Variants in CADM2 observed in about 807,000 individuals in gnomAD.
CADM2 encodes the protein immunoglobulin superfamily member 4D.
In CADM2, 12 loss-of-function variants were observed where a neutral mutation model predicts 49.8. The ratio of observed to expected loss-of-function variants is 0.24; its 90% confidence interval spans 0.15 to 0.39. The LOEUF (loss-of-function observed/expected upper bound fraction) is 0.39, where lower values mean the gene tolerates loss of function less well. Among genes scored for constraint, CADM2 ranks in the 10% least tolerant of loss-of-function variants. CADM2 has a pLI of 1.00. For missense variants in CADM2, 378 were observed against 492.3 expected (o/e 0.77, Z 2.20); for synonymous variants, 214 against 175.4 (o/e 1.22, Z -1.74).
At chr3:85,918,296 T>C (rs1472257747) in intron 6 of CADM2, among the ~76,000 whole-genome samples, 1 of 152,192 alleles carries the variant, frequency 6.6e-6, no homozygotes, top group Non-Finnish European at 1.5e-5. Flanking sequence ...GGGTTTGTCA[T>C]AGATAGCTCT....
At chr3:85,145,630 C>A (rs936624525) in intron 1 of CADM2, among the ~76,000 whole-genome samples, 3 of 151,818 alleles carry the variant, frequency 2.0e-5, no homozygotes, top group African/African-American at 7.3e-5. Context: ...TGTCTATCAC[C>A]CTTAGTTTGG....
At chr3:85,426,889 G>A (rs2036431678) in intron 1 of CADM2, among the ~76,000 whole-genome samples, 1 of 151,676 alleles carries the variant, frequency 6.6e-6, no homozygotes, top group African/African-American at 2.4e-5. Flanking sequence ...TTATATATAT[G>A]TATATATTTG....
chr3:85,543,067 A>C (rs2061580829), intron 1 of CADM2, among the ~76,000 whole-genome samples: 1 of 152,120 alleles, frequency 6.6e-6, no homozygotes, highest in South Asian at 2.1e-4. Flanking sequence ...GAACTTGTAC[A>C]CATTTTTCTC....
intron 1 of CADM2, among the ~76,000 whole-genome samples, chr3:85,206,646 T>C (rs1034335162): frequency 6.6e-6 from 1 of 152,134 alleles, no homozygotes; most frequent in Admixed American, 6.5e-5. Context: ...AGTAACTTTT[T>C]TCAGACTGTC....
chr3:85,303,347 G>T, intron 1 of CADM2, among the ~76,000 whole-genome samples: 1 of 151,974 alleles, frequency 6.6e-6, no homozygotes, highest in East Asian at 1.9e-4. Context: ...TGTTAAGACT[G>T]TTAATGAAGC....
chr3:85,086,116 A>G (rs1326566568), intron 1 of CADM2, among the ~76,000 whole-genome samples: 1 of 152,186 alleles, frequency 6.6e-6, no homozygotes, highest in African/African-American at 2.4e-5. Context: ...TAAAGTAAGA[A>G]AAATACCAAC....
chr3:85,153,583 C>T (rs1245650742), intron 1 of CADM2, among the ~76,000 whole-genome samples: 1 of 152,160 alleles, frequency 6.6e-6, no homozygotes, highest in Non-Finnish European at 1.5e-5. Flanking sequence ...GGGTGGAGCC[C>T]ACCACAGCTC....
chr3:85,837,971 A>T (rs2108254226), intron 3 of CADM2, among the ~76,000 whole-genome samples: 1 of 151,932 alleles, frequency 6.6e-6, no homozygotes, highest in East Asian at 1.9e-4. Flanking sequence ...GCACACCAAT[A>T]TGAATTCACT....
At chr3:85,899,255 C>T (rs757649668) in intron 5 of CADM2, among the ~76,000 whole-genome samples, 4 of 151,768 alleles carry the variant, frequency 2.6e-5, no homozygotes, top group Non-Finnish European at 5.9e-5. Context: ...TGTGAGCCAC[C>T]GCACTCAGCA....
At chr3:85,973,936 A>T (rs1321738259) in intron 8 of CADM2, among the ~76,000 whole-genome samples, 3 of 151,774 alleles carry the variant, frequency 2.0e-5, no homozygotes, top group African/African-American at 7.2e-5. Flanking sequence ...GGTAGGAATC[A>T]GGCTGAGATG....
At chr3:85,207,807 A>C (rs1576120284) in intron 1 of CADM2, among the ~76,000 whole-genome samples, 1 of 152,152 alleles carries the variant, frequency 6.6e-6, no homozygotes, top group African/African-American at 2.4e-5. Flanking sequence ...CTGTTTTTAT[A>C]AGGTCAGCTT....
At chr3:85,224,161 T>C (rs1015232200) in intron 1 of CADM2, among the ~76,000 whole-genome samples, 4 of 152,146 alleles carry the variant, frequency 2.6e-5, no homozygotes, top group Non-Finnish European at 1.5e-5. Context: ...TGGTTTTAGA[T>C]CCTTGAGGAA....
At chr3:85,715,360 G>A (rs895803299) in intron 1 of CADM2, among the ~76,000 whole-genome samples, 12 of 152,244 alleles carry the variant, frequency 7.9e-5, no homozygotes, top group Middle Eastern at 6.8e-3. Context: ...CATTTAATCA[G>A]TAAAATAGAA....
intron 3 of CADM2, among the ~76,000 whole-genome samples, chr3:85,831,655 T>C (rs1444454368): frequency 6.6e-6 from 1 of 152,010 alleles, no homozygotes; most frequent in Non-Finnish European, 1.5e-5. Context: ...GTCTATATTC[T>C]TTGCTCCCTT....
In CADM2 at chr3:85,323,898, A is replaced by AT. The variant is rs2044681223; in HGVS notation, c.61+364231dup. 3.9e-5 allele frequency among the ~76,000 whole-genome samples: 6 copies of AT among 152,334 alleles called. No homozygotes were observed. The South Asian group carries it at 1.2e-3, about 32-fold the overall frequency. On this transcript the variant is annotated intron_variant, in intron 1 of 9. Transcript: ENST00000383699. ...TTCAATTCTTCTTATAACAGCCTAT[A>AT]TGGCAATAGGAGGATAATGGTAGTT... is the stretch of plus-strand genomic sequence containing the variant.
intron 1 of CADM2, among the ~76,000 whole-genome samples, chr3:84,980,906 A>G (rs1017849441): frequency 1.3e-5 from 2 of 152,204 alleles, no homozygotes; most frequent in Non-Finnish European, 2.9e-5. Context: ...AATTTATATT[A>G]GATCCTCAGA....
chr3:86,011,751 T>C (rs1009433659), intron 8 of CADM2, among the ~76,000 whole-genome samples: 2 of 151,746 alleles, frequency 1.3e-5, no homozygotes, highest in African/African-American at 4.8e-5. Context: ...AAGAGAAATA[T>C]GTAAAAAAAG....
At chr3:86,066,554 A>G in intron 9 of CADM2, 111 bp from the exon 10 acceptor site, 1 of 757,962 alleles carries the variant, frequency 1.3e-6, no homozygotes. Context: ...ATCGGGTAGC[A>G]TATTAGGTCT....
In CADM2 at chr3:85,347,443, GGAAGA is replaced by G. The variant is rs1161482992; in HGVS notation, c.62-379078_62-379074del. Among the ~76,000 whole-genome samples the G allele has an allele frequency of 8.0e-5, 5 of 62,454 alleles. No individual in the cohort carries two copies. The East Asian group carries it at 0.017, about 211-fold the overall frequency. The allele number at this position is 62,454 out of a possible 152,430, so 41.0% of individuals were successfully genotyped here. On this transcript the variant is annotated intron_variant, in intron 1 of 9. Transcript: ENST00000383699. ...AATGCATTGAATATAGCCAATTTTT[GGAAGA>G]AAGTAACGAACATATTTGTTCAAAC...
Sources: gnomAD v4.1 joint callset for allele counts (sites outside exome capture counted in the v4.1 genomes callset) on GRCh38, gnomAD v4.1.1 for gene constraint, MANE v1.5 for transcripts, NCBI Gene and HGNC (gene_info 2026-07-23, HGNC 2026-07-21) for gene names.